The following KATNIP variants were observed in gnomAD, a reference collection of about 807,000 sequenced individuals.
KATNIP encodes the protein katanin-interacting protein.
A neutral mutation model predicts 174.0 loss-of-function variants in KATNIP; 126 were observed. That is an observed-to-expected ratio of 0.72 (90% CI 0.63 to 0.84). The LOEUF is 0.84. KATNIP is among the 40% of genes least tolerant of loss of function. The probability of loss-of-function intolerance (pLI) is 0.00; values close to 1 mark genes in which losing one functional copy is unlikely to be tolerated. For synonymous variants in KATNIP, 810 were observed against 835.7 expected (o/e 0.97, Z 0.53); for missense variants, 1,958 against 2,109.7 (o/e 0.93, Z 1.41).
intron 23 of KATNIP, among the ~76,000 whole-genome samples, chr16:27,773,651 TA>T (rs1230769425): frequency 6.6e-6 from 1 of 152,212 alleles, no homozygotes. Context: ...CAGTGCATTT[TA>T]AAATGAGTTG....
chr16:27,636,076 G>A (rs536370050), intron 5 of KATNIP, among the ~76,000 whole-genome samples: 9 of 152,258 alleles, frequency 5.9e-5, no homozygotes, highest in Admixed American at 4.6e-4. Context: ...ATCGCTTGAA[G>A]CCAGGAGTTC....
chr16:27,721,725 G>T, intron 14 of KATNIP, 30 bp downstream of exon 14: 1 of 1,608,496 alleles, frequency 6.2e-7, no homozygotes, highest in Admixed American at 1.7e-5. Flanking sequence ...TCCCCACTGG[G>T]CACTGGGTTG....
intron 2 of KATNIP, among the ~76,000 whole-genome samples, chr16:27,576,188 T>G (rs1826232929): frequency 6.6e-6 from 1 of 152,182 alleles, no homozygotes; most frequent in Admixed American, 6.5e-5. Flanking sequence ...TTCCCTTCTC[T>G]CTCTGTCTCT....
At chr16:27,631,778 GCA>G (rs2142171023) in intron 5 of KATNIP, among the ~76,000 whole-genome samples, 1 of 152,278 alleles carries the variant, frequency 6.6e-6, no homozygotes, top group African/African-American at 2.4e-5. Context: ...TATGTGCCAG[GCA>G]CAGTTCTGGA....
At chr16:27,608,340 C>T (rs1479319161) in intron 2 of KATNIP, among the ~76,000 whole-genome samples, 1 of 150,158 alleles carries the variant, frequency 6.7e-6, no homozygotes, top group Non-Finnish European at 1.5e-5. Context: ...AAGCCATCCT[C>T]CCACCTCAGC....
At chr16:27,638,472 C>A (rs141627086) in intron 5 of KATNIP, among the ~76,000 whole-genome samples, 2 of 152,312 alleles carry the variant, frequency 1.3e-5, no homozygotes, top group African/African-American at 4.8e-5. Flanking sequence ...GACAATCTTT[C>A]TATCCTAACC....
intron 5 of KATNIP, among the ~76,000 whole-genome samples, chr16:27,646,993 T>C (rs1257839996): frequency 6.6e-6 from 1 of 152,126 alleles, no homozygotes; most frequent in African/African-American, 2.4e-5. Context: ...ACCTAGAAGA[T>C]GCAATGCACA....
intron 5 of KATNIP, 80 bp from the exon 6 acceptor site, chr16:27,648,524 T>C: frequency 6.4e-7 from 1 of 1,551,578 alleles, no homozygotes; most frequent in Non-Finnish European, 8.8e-7. Context: ...TGGCTGAACC[T>C]CTCCAGTGCC....
At chr16:27,652,823 T>A (rs2077158795) in intron 6 of KATNIP, among the ~76,000 whole-genome samples, 2 of 149,716 alleles carry the variant, frequency 1.3e-5, no homozygotes, top group African/African-American at 2.5e-5. Context: ...AAAAAAAAAA[T>A]TATATTGTCT....
At chr16:27,708,024 CT>C (rs34070705) in intron 12 of KATNIP, among the ~76,000 whole-genome samples, 334 of 140,474 alleles carry the variant, frequency 2.4e-3, no homozygotes, top group Admixed American at 2.6e-3. Flanking sequence ...AGCCCGTAAC[CT>C]TTTTTTTTTT....
chr16:27,773,522 G>A (rs989961978), intron 23 of KATNIP, among the ~76,000 whole-genome samples: 1 of 152,224 alleles, frequency 6.6e-6, no homozygotes, highest in Non-Finnish European at 1.5e-5. Context: ...CAAAGGCTCT[G>A]ACAAGGTCTG....
chr16:27,756,061 G>A (rs181932988), intron 18 of KATNIP, among the ~76,000 whole-genome samples: 1 of 152,254 alleles, frequency 6.6e-6, no homozygotes, highest in East Asian at 1.9e-4. Context: ...TCCTGGGGGT[G>A]GGAGGTGGGG....
chr16:27,741,616 G>A (rs1243372817), intron 15 of KATNIP, among the ~76,000 whole-genome samples: 1 of 151,550 alleles, frequency 6.6e-6, no homozygotes, highest in African/African-American at 2.4e-5. Flanking sequence ...AGGAGTGCAA[G>A]GCCAGGCCGG....
intron 2 of KATNIP, among the ~76,000 whole-genome samples, chr16:27,585,163 T>G (rs1342117763): frequency 6.6e-6 from 1 of 152,088 alleles, no homozygotes; most frequent in Non-Finnish European, 1.5e-5. Context: ...CTCCCCAAAC[T>G]CAATGCAATT....
Position 27,612,713 on chromosome 16 carries a change from C to T in KATNIP, c.64-5712C>T, listed in dbSNP as rs995876593. 4.0e-5 allele frequency among the ~76,000 whole-genome samples: 6 copies of T among 151,822 alleles called. No homozygotes were observed. In the South Asian group the frequency reaches 1.0e-3, roughly 26 times the overall value. On this transcript the variant is annotated intron_variant, in intron 2 of 27. Transcript: ENST00000261588. Reference sequence around the variant, plus strand: ...GGTGGAGGTTGCAGTGAGCCAAGATCGCACCACTGAACTCCAGCCTGGGCA... The same window carrying T: ...GGTGGAGGTTGCAGTGAGCCAAGATTGCACCACTGAACTCCAGCCTGGGCA...
At chr16:27,774,463 G>A (rs1034569264) in intron 23 of KATNIP, among the ~76,000 whole-genome samples, 39 of 152,144 alleles carry the variant, frequency 2.6e-4, no homozygotes, top group African/African-American at 9.4e-4. Context: ...CAGAGGCAGA[G>A]CTAGAAGCTG....
At chr16:27,748,130 C>T (rs192443752) in intron 15 of KATNIP, among the ~76,000 whole-genome samples, 10 of 152,158 alleles carry the variant, frequency 6.6e-5, no homozygotes, top group Admixed American at 2.6e-4. Flanking sequence ...CAGGCCACTG[C>T]GTGGTGTGCA....
intron 14 of KATNIP, among the ~76,000 whole-genome samples, chr16:27,728,242 G>T (rs916489481): frequency 6.6e-6 from 1 of 152,232 alleles, no homozygotes; most frequent in African/African-American, 2.4e-5. Context: ...CCTCAGGCTT[G>T]GTCTAGGCCA....
chr16:27,650,534 G>A lies in KATNIP; in HGVS notation c.540+1799G>A, dbSNP rs2077091127. Among the ~76,000 whole-genome samples the A allele has an allele frequency of 2.0e-5, 3 of 152,286 alleles. No homozygotes were observed. In the South Asian group the frequency reaches 6.2e-4, roughly 32 times the overall value. ...CAGAGTGGCATTTGTTCAACTCTGGGCCCCGGCTGCATATTCAGTGACGTC... is the reference window on the plus strand; with the variant it reads ...CAGAGTGGCATTTGTTCAACTCTGGACCCCGGCTGCATATTCAGTGACGTC... On this transcript the variant is annotated intron_variant, in intron 6 of 27. Transcript: ENST00000261588.
Sources: allele counts gnomAD v4.1 joint callset (sites outside exome capture counted in the v4.1 genomes callset), GRCh38; gene constraint gnomAD v4.1.1; transcripts MANE v1.5; gene names NCBI Gene and HGNC (gene_info 2026-07-23, HGNC 2026-07-21).